UMAD1: variants seen among roughly 807,000 people sequenced by gnomAD.
The protein encoded by UMAD1 is UBAP1-MVB12-associated (UMA)-domain containing protein 1.
UMAD1 carries 8 observed loss-of-function variants against 6.1 expected under a neutral mutation model. The ratio of observed to expected loss-of-function variants is 1.30; its 90% CI spans 0.76 to 2.35. The LOEUF is 2.35. UMAD1 is among the 30% of genes most tolerant of loss of function. The pLI, the probability that UMAD1 is intolerant of heterozygous loss-of-function variation, is 0.00. For synonymous variants in UMAD1, 56 were observed against 31.4 expected (o/e 1.78, Z -2.61); for missense variants, 130 against 78.4 (o/e 1.66, Z -2.49).
intron 2 of UMAD1, among the ~76,000 whole-genome samples, chr7:7,791,452 C>A (rs776049077): frequency 6.6e-6 from 1 of 152,204 alleles, no homozygotes; most frequent in African/African-American, 2.4e-5. Flanking sequence ...AACACAAAAT[C>A]TTTCAAGATG....
chr7:7,777,872 A>G (rs901300767), intron 2 of UMAD1, among the ~76,000 whole-genome samples: 2 of 152,298 alleles, frequency 1.3e-5, no homozygotes, highest in African/African-American at 2.4e-5. Flanking sequence ...ATCCTTTACC[A>G]GTAACTTCAT....
rs571839801 is a variant in UMAD1 at position 7,713,984 on chromosome 7, G to A, written c.82+40531G>A. Among the ~76,000 whole-genome samples the A allele has an allele frequency of 7.9e-5, 12 of 152,274 alleles. No individual in the cohort carries two copies. In the South Asian group the frequency reaches 2.5e-3, roughly 32 times the overall value. On this transcript the variant is annotated intron_variant, in intron 2 of 3. Coordinates refer to ENST00000682710, the MANE Select transcript of UMAD1 (RefSeq NM_001302348.2). ...TGAGTAGCTGGGACTACAGGCATGT[G>A]CCACCACACCTGCCCCACACGTTTT...
rs190015201 is a variant in UMAD1 at position 7,660,618 on chromosome 7, T to G, written c.-63-12691T>G. On this transcript the variant is annotated intron_variant, in intron 1 of 3. Transcript: ENST00000682710. ...TGAAACTTCTTTTCTTTAAGAATGT[T>G]GACTATTGGCCCCACTCTCTTCTGG... Among the ~76,000 whole-genome samples the G allele has an allele frequency of 2.6e-5, 4 of 152,352 alleles. No individual in the cohort carries two copies. In the East Asian group the frequency reaches 7.7e-4, roughly 29 times the overall value.
chr7:7,678,689 T>C (rs1779824625), intron 2 of UMAD1, among the ~76,000 whole-genome samples: 1 of 126,796 alleles, frequency 7.9e-6, no homozygotes, highest in Non-Finnish European at 1.6e-5. Flanking sequence ...ATATATTTAG[T>C]TTATAAATAT....
intron 1 of UMAD1, among the ~76,000 whole-genome samples, chr7:7,646,480 ATT>A (rs35948027): frequency 0.057 from 6,382 of 111,176 alleles, 166 homozygotes; most frequent in Non-Finnish European, 0.066. Context: ...CTTTCGCTGG[ATT>A]TTTTTTTTTT....
chr7:7,747,224 G>A (rs1781589676), intron 2 of UMAD1, among the ~76,000 whole-genome samples: 3 of 152,138 alleles, frequency 2.0e-5, no homozygotes, highest in Admixed American at 2.0e-4. Context: ...AACAGAAATT[G>A]TTTAAACGAG....
intron 2 of UMAD1, among the ~76,000 whole-genome samples, chr7:7,758,950 A>G (rs1056832874): frequency 3.9e-5 from 6 of 152,112 alleles, no homozygotes; most frequent in Non-Finnish European, 7.4e-5. Context: ...GTTTGTTTTT[A>G]TACAGAAAAT....
At chr7:7,789,617 T>TCCCCCCCCCCCCCCCCCCCCCCCCCC (rs201727587) in intron 2 of UMAD1, among the ~76,000 whole-genome samples, 1 of 101,044 alleles carries the variant, frequency 9.9e-6, no homozygotes, top group African/African-American at 3.7e-5. Flanking sequence ...AAATACCCCT[T>TCCCCCCCCCCCCCCCCCCCCCCCCCC]CTCCCCTCCC....
At chr7:7,811,620 C>T (rs1186956665) in intron 3 of UMAD1, among the ~76,000 whole-genome samples, 1 of 152,144 alleles carries the variant, frequency 6.6e-6, no homozygotes, top group Non-Finnish European at 1.5e-5. Flanking sequence ...TGACTGTTTA[C>T]CTCTTTGGAA....
intron 2 of UMAD1, among the ~76,000 whole-genome samples, chr7:7,711,154 T>C (rs138255451): frequency 6.6e-6 from 1 of 152,310 alleles, no homozygotes; most frequent in African/African-American, 2.4e-5. Flanking sequence ...GGTTGTGGTA[T>C]TGAACTATAG....
intron 2 of UMAD1, among the ~76,000 whole-genome samples, chr7:7,783,551 T>A (rs1202865677): frequency 1.3e-5 from 2 of 152,168 alleles, no homozygotes; most frequent in Non-Finnish European, 2.9e-5. Flanking sequence ...GAAATGAGGA[T>A]GAAGGGCACT....
intron 2 of UMAD1, among the ~76,000 whole-genome samples, chr7:7,783,316 G>A (rs1223295428): frequency 6.6e-6 from 1 of 151,928 alleles, no homozygotes; most frequent in East Asian, 1.9e-4. Flanking sequence ...AAAATCAAAG[G>A]AATTAATTAT....
intron 3 of UMAD1, among the ~76,000 whole-genome samples, chr7:7,866,931 A>G (rs922007338): frequency 1.3e-5 from 2 of 152,188 alleles, no homozygotes; most frequent in Non-Finnish European, 2.9e-5. Flanking sequence ...GAAGAGAATG[A>G]CATGAACCTG....
At chr7:7,786,558 G>C (rs1344891499) in intron 2 of UMAD1, among the ~76,000 whole-genome samples, 1 of 152,162 alleles carries the variant, frequency 6.6e-6, no homozygotes, top group African/African-American at 2.4e-5. Context: ...TAAACATTCA[G>C]AATTCCCTCC....
intron 2 of UMAD1, chr7:7,692,468 G>A (rs1780194624): frequency 6.6e-6 from 1 of 152,136 alleles, no homozygotes; most frequent in Admixed American, 6.6e-5. Context: ...CCTCTAAGCT[G>A]GTGGAAATTT....
intron 3 of UMAD1, among the ~76,000 whole-genome samples, chr7:7,876,899 G>A (rs1359281616): frequency 6.6e-6 from 1 of 152,136 alleles, no homozygotes; most frequent in African/African-American, 2.4e-5. Context: ...TCTGAAATAG[G>A]CAAGATCACT....
intron 1 of UMAD1, among the ~76,000 whole-genome samples, chr7:7,648,991 C>T (rs1181740371): frequency 6.6e-6 from 1 of 151,918 alleles, no homozygotes; most frequent in Non-Finnish European, 1.5e-5. Flanking sequence ...AACCCTGTCT[C>T]TACTAAAAGT....
chr7:7,677,898 C>T (rs896937718), intron 2 of UMAD1, among the ~76,000 whole-genome samples: 2 of 151,636 alleles, frequency 1.3e-5, no homozygotes, highest in African/African-American at 4.9e-5. Flanking sequence ...TGGTCTCGAT[C>T]TCCTGACCTC....
chr7:7,755,278 TC>T (rs1158290678), intron 2 of UMAD1, among the ~76,000 whole-genome samples: 2 of 152,140 alleles, frequency 1.3e-5, no homozygotes, highest in Admixed American at 1.3e-4. Flanking sequence ...CACCACCAGT[TC>T]CTTTTAAAGA....
Sources: gnomAD v4.1 joint callset for allele counts (sites outside exome capture counted in the v4.1 genomes callset) on GRCh38, gnomAD v4.1.1 for gene constraint, MANE v1.5 for transcripts, NCBI Gene and HGNC (gene_info 2026-07-23, HGNC 2026-07-21) for gene names.